SPECC1L: variants seen among roughly 807,000 people sequenced by gnomAD.
SPECC1L encodes sperm antigen with calponin homology and coiled-coil domains 1 like.
A neutral mutation model predicts 116.8 loss-of-function variants in SPECC1L; 40 were observed. The observed-to-expected ratio is 0.34, with a 90% CI of 0.27 to 0.45. The LOEUF is 0.45. SPECC1L is among the 20% of genes least tolerant of loss of function. SPECC1L has a pLI of 1.00. For missense variants in SPECC1L, 1,110 were observed against 1,373.6 expected (o/e 0.81, Z 3.03); for synonymous variants, 504 against 500.6 (o/e 1.01, Z -0.09).
intron 2 of SPECC1L, among the ~76,000 whole-genome samples, chr22:24,279,328 G>C (rs2146331146): frequency 6.6e-6 from 1 of 152,198 alleles, no homozygotes; most frequent in East Asian, 1.9e-4. Flanking sequence ...TACTCTGTTG[G>C]GCCTGGAAGT....
At chr22:24,303,975 A>G (rs1235043634) in intron 3 of SPECC1L, among the ~76,000 whole-genome samples, 1 of 152,062 alleles carries the variant, frequency 6.6e-6, no homozygotes, top group African/African-American at 2.4e-5. Context: ...GGGGAAGGAA[A>G]AAGTCATTAA....
rs79601374 is a variant in SPECC1L, at chr22:24,395,841, A to G, written c.3088-15747A>G. On this transcript the variant is annotated intron_variant, in intron 14 of 16. Coordinates refer to ENST00000314328, the MANE Select transcript of SPECC1L (RefSeq NM_015330.6). ...TTTTTAATAGAGACAGGGTTTCACC[A>G]TGTTGGCCAGGCTGGTCTCGAACTC... Among the ~76,000 whole-genome samples, 25 of 152,214 alleles carry G rather than the reference A, an allele frequency of 1.6e-4. No individual in the cohort carries two copies. The East Asian group carries it at 4.6e-3, about 28-fold the overall frequency.
intron 2 of SPECC1L, among the ~76,000 whole-genome samples, chr22:24,291,155 AC>A (rs2049148797): frequency 6.6e-6 from 1 of 152,120 alleles, no homozygotes; most frequent in African/African-American, 2.4e-5. Flanking sequence ...TAGGTTAAAA[AC>A]CCTTTTTGGA....
intron 14 of SPECC1L, among the ~76,000 whole-genome samples, chr22:24,398,268 C>T (rs1482017771): frequency 6.6e-6 from 1 of 152,196 alleles, no homozygotes; most frequent in Admixed American, 6.5e-5. Flanking sequence ...TGAGCTTCAG[C>T]TGGAGGGCCT....
chr22:24,279,001 C>G lies in SPECC1L; in HGVS notation c.-38+2198C>G, dbSNP rs568811693. On this transcript the variant is annotated intron_variant, in intron 2 of 16. Transcript: ENST00000314328. Reference sequence around the variant, plus strand: ...TCTAGTGATTAATAGACACTCTTCACAAAAGGATGAGGGAGGTATATGTAT... The same window carrying G: ...TCTAGTGATTAATAGACACTCTTCAGAAAAGGATGAGGGAGGTATATGTAT... 3.8e-4 allele frequency among the ~76,000 whole-genome samples: 58 copies of G among 152,250 alleles called. 3 individuals carry two copies. In the South Asian group the frequency reaches 0.012, roughly 30 times the overall value.
chr22:24,356,279 A>G (rs1350443837), intron 11 of SPECC1L, among the ~76,000 whole-genome samples: 1 of 152,178 alleles, frequency 6.6e-6, no homozygotes, highest in Non-Finnish European at 1.5e-5. Context: ...TTGAACTCTG[A>G]AAGTCTAGTT....
chr22:24,283,712 G>A (rs936217626), intron 2 of SPECC1L, among the ~76,000 whole-genome samples: 1 of 152,138 alleles, frequency 6.6e-6, no homozygotes, highest in Non-Finnish European at 1.5e-5. Flanking sequence ...GGTTTTCTTT[G>A]TAGGAAAGTT....
chr22:24,358,942 C>T (rs914500004), intron 11 of SPECC1L, among the ~76,000 whole-genome samples: 3 of 152,208 alleles, frequency 2.0e-5, no homozygotes, highest in South Asian at 2.1e-4. Context: ...TACGTTTATC[C>T]ACTTATCTGA....
chr22:24,326,255 C>A (rs2040819493), intron 6 of SPECC1L, among the ~76,000 whole-genome samples: 1 of 152,220 alleles, frequency 6.6e-6, no homozygotes, highest in South Asian at 2.1e-4. Context: ...TGAAATATTT[C>A]TTGCATATAA....
At chr22:24,309,093 TAAA>T (rs1426926042) in intron 3 of SPECC1L, among the ~76,000 whole-genome samples, 3 of 152,268 alleles carry the variant, frequency 2.0e-5, no homozygotes, top group Non-Finnish European at 4.4e-5. Context: ...GGATAGTACT[TAAA>T]AACCAAGACC....
chr22:24,381,474 G>C (rs1039449963), intron 14 of SPECC1L, among the ~76,000 whole-genome samples: 2 of 152,170 alleles, frequency 1.3e-5, no homozygotes, highest in Non-Finnish European at 2.9e-5. Context: ...GAAAAGATTG[G>C]ATATTCCTTA....
intron 11 of SPECC1L, among the ~76,000 whole-genome samples, chr22:24,358,146 A>T (rs532052432): frequency 8.4e-5 from 11 of 131,354 alleles, no homozygotes; most frequent in African/African-American, 3.2e-4. Context: ...GCAGAGTCTC[A>T]CTCTGTCACC....
At chr22:24,336,185 C>A (rs1228611145) in intron 9 of SPECC1L, among the ~76,000 whole-genome samples, 1 of 151,916 alleles carries the variant, frequency 6.6e-6, no homozygotes, top group African/African-American at 2.4e-5. Flanking sequence ...ATCCTTTATT[C>A]AAGTGTGCCA....
intron 14 of SPECC1L, among the ~76,000 whole-genome samples, chr22:24,374,848 C>G (rs1375580223): frequency 1.3e-5 from 2 of 148,638 alleles, no homozygotes; most frequent in African/African-American, 5.0e-5. Context: ...AAGATTAGAG[C>G]CAAAATAAAT....
chr22:24,398,515 C>A (rs2042409465), intron 14 of SPECC1L, among the ~76,000 whole-genome samples: 1 of 152,146 alleles, frequency 6.6e-6, no homozygotes, highest in Non-Finnish European at 1.5e-5. Context: ...AAAGAATTTC[C>A]AAGGACTTAT....
chr22:24,321,415 T>G lies in SPECC1L; in HGVS notation c.435T>G (p.Ala145=). 1 of 1,614,254 alleles carries G rather than the reference T, an allele frequency of 6.2e-7. No homozygotes were observed. Among genetic ancestry groups the G allele is most frequent in the Non-Finnish European group, 8.5e-7 (1 of 1,180,034 alleles). Residue 145 remains alanine (A), a synonymous_variant, in exon 5 of 17, where the codon GCT becomes GCG. Coordinates refer to ENST00000314328, the MANE Select transcript of SPECC1L (RefSeq NM_015330.6). ...SKKLPSAGQG[A]NDMALAKRSR... ...AACTACCTTCTGCAGGTCAGGGAGC[T>G]AATGACATGGCATTGGCCAAACGTT... is the stretch of plus-strand genomic sequence containing the variant.
chr22:24,285,052 C>CTGT (rs1362064730), intron 2 of SPECC1L, among the ~76,000 whole-genome samples: 1 of 152,140 alleles, frequency 6.6e-6, no homozygotes, highest in African/African-American at 2.4e-5. Context: ...GTGATCAAAG[C>CTGT]TGTGGTGGTT....
Position 24,322,689 on chromosome 22 carries a change from C to T in SPECC1L, c.1709C>T (p.Ala570Val). The change falls in exon 5 of 17, where the codon GCC becomes GTC. Residue 570 changes from alanine (A) to valine (V), a missense_variant. Physicochemically the swap from Ala to Val is moderately conservative, Grantham distance 64. This residue lies in a region of SPECC1L where 575 missense variants were observed against 682.4 expected (regional missense o/e 0.84). Coordinates refer to ENST00000314328, the MANE Select transcript of SPECC1L (RefSeq NM_015330.6). Reference sequence around the variant, plus strand: ...TTAGAGGAATACAAAGCCACAGTGGCCAGTGACCAGATAGAGATGAATCGC... The same window carrying T: ...TTAGAGGAATACAAAGCCACAGTGGTCAGTGACCAGATAGAGATGAATCGC... ...ATLEEYKATV[A>V]SDQIEMNRLK... 6.2e-7 allele frequency: 1 copy of T among 1,607,086 alleles called. No individual in the cohort carries two copies. The highest frequency in any genetic ancestry group is 8.5e-7 in the Non-Finnish European group (1 of 1,177,098).
At position 24,416,036 on chromosome 22, in the gene SPECC1L, A is replaced by C. The variant is rs1388620852; in HGVS notation, c.*1413A>C. ...ACCAGCCACCAGTGGAAGCGGGGTC[A>C]CTGCCCCACAGACTGGATGCAATGA... On this transcript the variant is annotated 3_prime_UTR_variant, in exon 17 of 17. Coordinates refer to ENST00000314328, the MANE Select transcript of SPECC1L (RefSeq NM_015330.6). 1.3e-5 allele frequency: 2 copies of C among 152,294 alleles called. No individual in the cohort carries two copies. Among genetic ancestry groups the C allele is most frequent in the Non-Finnish European group, 2.9e-5 (2 of 68,076 alleles). 9.4% of individuals were successfully genotyped at this position (152,294 alleles called of 1,614,324 possible).
Sources: allele counts gnomAD v4.1 joint callset (sites outside exome capture counted in the v4.1 genomes callset), GRCh38; gene constraint gnomAD v4.1.1; regional missense constraint gnomAD v4.1.1; transcripts MANE v1.5; gene names NCBI Gene and HGNC (gene_info 2026-07-23, HGNC 2026-07-21).